The following LYRM4 variants were observed in gnomAD, a reference collection of about 807,000 sequenced individuals.
LYRM4 encodes the protein LYR motif containing 4.
LYRM4 carries 9 observed loss-of-function variants against 11.7 expected under a neutral mutation model. The observed-to-expected ratio is 0.77, with a 90% confidence interval of 0.46 to 1.34. The LOEUF is 1.34. LYRM4 is among the 40% of genes most tolerant of loss of function. The probability of loss-of-function intolerance (pLI) is 0.00; values close to 1 mark genes in which losing one functional copy is unlikely to be tolerated. For missense variants in LYRM4, 133 were observed against 112.5 expected, an observed-to-expected ratio of 1.18 and a Z score of -0.82; for synonymous variants, 42 against 40.4, an observed-to-expected ratio of 1.04 and a Z score of -0.15.
At chr6:5,181,471 A>G (rs1221330895) in intron 2 of LYRM4, among the ~76,000 whole-genome samples, 1 of 152,066 alleles carries the variant, frequency 6.6e-6, no homozygotes, top group African/African-American at 2.4e-5. Context: ...AAAAACCACA[A>G]CCTAAAATCC....
At chr6:5,038,927 A>T in the LYRM4 span, among the ~76,000 whole-genome samples, 1 of 142,038 alleles carries the variant, frequency 7.0e-6, no homozygotes, top group African/African-American at 2.8e-5. Context: ...GGAGAGGGAG[A>T]GGGAGAGCTT....
At chr6:5,065,243 A>G in the LYRM4 span, among the ~76,000 whole-genome samples, 2 of 147,480 alleles carry the variant, frequency 1.4e-5, no homozygotes, top group East Asian at 3.9e-4. Context: ...TAGATATACT[A>G]CAGTTTACTT....
intron 1 of LYRM4, among the ~76,000 whole-genome samples, chr6:5,246,819 T>C (rs538889607): frequency 2.0e-5 from 3 of 152,036 alleles, no homozygotes; most frequent in African/African-American, 7.2e-5. Context: ...GAGTAGTGTC[T>C]GGTACTTGGG....
chr6:5,038,887 AGAGAGG>A, the LYRM4 span, among the ~76,000 whole-genome samples: 8,239 of 85,144 alleles, frequency 0.097, 3,432 homozygotes, highest in South Asian at 0.12. Context: ...GTGGAGGGAG[AGAGAGG>A]GAGAGGGAGA....
chr6:5,236,011 A>C (rs1362266272), intron 1 of LYRM4, among the ~76,000 whole-genome samples: 1 of 152,246 alleles, frequency 6.6e-6, no homozygotes, highest in East Asian at 1.9e-4. Flanking sequence ...TATGTCAACA[A>C]AACTATGACC....
At chr6:5,204,687 A>G (rs530171479) in intron 2 of LYRM4, among the ~76,000 whole-genome samples, 2 of 152,188 alleles carry the variant, frequency 1.3e-5, no homozygotes, top group South Asian at 4.1e-4. Flanking sequence ...GAAGTTCCCA[A>G]AACCCTCTTT....
chr6:5,198,438 G>A (rs1761197353), intron 2 of LYRM4, among the ~76,000 whole-genome samples: 1 of 152,140 alleles, frequency 6.6e-6, no homozygotes, highest in African/African-American at 2.4e-5. Flanking sequence ...TGTTTTTGAT[G>A]TTAAAAAAAT....
chr6:5,054,063 T>C, the LYRM4 span: 1 of 953,122 alleles, frequency 1.0e-6, no homozygotes, highest in Non-Finnish European at 1.2e-6. Context: ...TTTTCTAGCT[T>C]AATTAGCCTC....
chr6:5,198,573 G>A (rs1266857419), intron 2 of LYRM4, among the ~76,000 whole-genome samples: 2 of 152,222 alleles, frequency 1.3e-5, no homozygotes, highest in Non-Finnish European at 1.5e-5. Context: ...GGAGCAGTGA[G>A]AGACAGGATT....
intron 2 of LYRM4, among the ~76,000 whole-genome samples, chr6:5,212,220 C>CTTATTGT (rs1762020823): frequency 6.6e-6 from 1 of 152,192 alleles, no homozygotes; most frequent in Non-Finnish European, 1.5e-5. Flanking sequence ...TGGCAAACTG[C>CTTATTGT]AGAGCTACAA....
Position 5,245,554 on chromosome 6 carries a change from G to A in LYRM4, c.86+15094C>T, listed in dbSNP as rs570133777. Among the ~76,000 whole-genome samples the A allele has an allele frequency of 2.1e-3, 323 of 152,184 alleles. 2 individuals are homozygous for A. The highest frequency in any genetic ancestry group is 6.8e-3 in the African/African-American group (282 of 41,518). On this transcript the variant is annotated intron_variant, in intron 1 of 2. Coordinates refer to ENST00000330636, the MANE Select transcript of LYRM4 (RefSeq NM_020408.6). Reference sequence around the variant, plus strand: ...TACGGTGTCTGGAAGACAAGAGAGGGGCTGCCATAAACATAACTCATACAC... The same window carrying A: ...TACGGTGTCTGGAAGACAAGAGAGGAGCTGCCATAAACATAACTCATACAC...
the LYRM4 span, among the ~76,000 whole-genome samples, chr6:5,037,009 A>ATTTTTTT: frequency 9.6e-3 from 277 of 28,714 alleles, 52 homozygotes; most frequent in African/African-American, 0.034. Flanking sequence ...TTTAGCTTGT[A>ATTTTTTT]TTTTTTTTTT....
chr6:5,242,236 C>T (rs2773302), intron 1 of LYRM4, among the ~76,000 whole-genome samples: 47,954 of 151,302 alleles, frequency 0.32, 8,847 homozygotes, highest in African/African-American at 0.52. Flanking sequence ...CCACGCCTGG[C>T]TAATTTTTTG....
intron 2 of LYRM4, among the ~76,000 whole-genome samples, chr6:5,170,014 G>A (rs1007086261): frequency 6.6e-6 from 1 of 152,222 alleles, no homozygotes; most frequent in Non-Finnish European, 1.5e-5. Context: ...CAGGCTGACA[G>A]AGCTGAAGTG....
the LYRM4 span, among the ~76,000 whole-genome samples, chr6:5,038,648 C>G: frequency 8.8e-4 from 56 of 63,338 alleles, 22 homozygotes; most frequent in Non-Finnish European, 7.3e-4. Flanking sequence ...CCTCGGGAGG[C>G]CGAGGCTGGC....
intron 2 of LYRM4, among the ~76,000 whole-genome samples, chr6:5,198,179 C>T (rs1231627918): frequency 1.3e-5 from 2 of 151,896 alleles, no homozygotes; most frequent in Non-Finnish European, 2.9e-5. Context: ...GCCTGGGCAA[C>T]AAGAGTGAGA....
the LYRM4 span, among the ~76,000 whole-genome samples, chr6:5,070,108 G>A: frequency 1.3e-5 from 2 of 152,170 alleles, no homozygotes; most frequent in African/African-American, 4.8e-5. Context: ...TACAGATAAG[G>A]AAACTGCAGC....
chr6:5,133,394 C>T (rs1764044545), intron 2 of LYRM4, among the ~76,000 whole-genome samples: 1 of 152,168 alleles, frequency 6.6e-6, no homozygotes, highest in African/African-American at 2.4e-5. Context: ...AGCAAACTTG[C>T]ACGGGCTTAA....
chr6:5,103,628 A>ATTTTTTT (rs1491437052), downstream of LYRM4: 1 of 98,622 alleles, frequency 1.0e-5, no homozygotes, highest in African/African-American at 4.1e-5. Context: ...AATATCTGAG[A>ATTTTTTT]TATTTTTTTT....
Sources: gnomAD v4.1 joint callset for allele counts (sites outside exome capture counted in the v4.1 genomes callset) on GRCh38, gnomAD v4.1.1 for gene constraint, MANE v1.5 for transcripts, NCBI Gene and HGNC (gene_info 2026-07-23, HGNC 2026-07-21) for gene names.